The following OTOGL variants were observed in gnomAD, a reference collection of about 807,000 sequenced individuals.
The protein encoded by OTOGL is otogelin-like protein.
A neutral mutation model predicts 318.5 loss-of-function variants in OTOGL; 285 were observed. The observed-to-expected ratio is 0.89, with a 90% CI of 0.81 to 0.99. OTOGL has a LOEUF of 0.99. Among genes scored for constraint, OTOGL ranks in the 50% least tolerant of loss-of-function variants. OTOGL has a pLI of 0.00. For synonymous variants in OTOGL, 987 were observed against 936.5 expected (o/e 1.05, Z -0.99); for missense variants, 2,899 against 2,845.6 (o/e 1.02, Z -0.43).
intron 11 of OTOGL, among the ~76,000 whole-genome samples, chr12:80,244,911 T>C (rs1880732618): frequency 6.8e-6 from 1 of 147,696 alleles, no homozygotes; most frequent in Admixed American, 6.6e-5. Context: ...ATTTCTCTGA[T>C]GGCCAGTGAT....
rs746612570 is a variant in OTOGL at position 80,329,126 on chromosome 12, T to C, written c.4348+7T>C. On this transcript the variant is annotated splice_region_variant and intron_variant, in intron 37 of 58. Coordinates refer to ENST00000547103, the MANE Select transcript of OTOGL (RefSeq NM_001378609.3). ...ACTGTGCCCATGTTTACAGGTATTGTTATAATTTTAGACAACAAAAGTAGC... is the reference window on the plus strand; with the variant it reads ...ACTGTGCCCATGTTTACAGGTATTGCTATAATTTTAGACAACAAAAGTAGC... The C allele has an allele frequency of 6.6e-7, 1 of 1,507,404 alleles. No individual in the cohort carries two copies. The highest frequency in any genetic ancestry group is 1.4e-5 in the South Asian group (1 of 72,906). 93.4% of individuals were successfully genotyped at this position (1,507,404 alleles called of 1,614,324 possible). A position where few individuals can be genotyped will look rare whatever the true frequency, so the allele number is the denominator to read the frequency against.
intron 6 of OTOGL, among the ~76,000 whole-genome samples, chr12:80,220,819 GA>G (rs1270967594): frequency 2.0e-5 from 3 of 152,014 alleles, no homozygotes; most frequent in Non-Finnish European, 2.9e-5. Flanking sequence ...ATACACAACA[GA>G]TACACAATAA....
chr12:80,211,955 G>A lies in OTOGL; in HGVS notation c.126G>A (p.Gly42=), dbSNP rs375517066. ...SSILMGTSKN[G]FNENRQKRAL... ...TCTTTTTGTTTTCTTCCAGAAACGGGTTTAATGAAAATCGACAGAAAAGAG... is the reference window on the plus strand; with the variant it reads ...TCTTTTTGTTTTCTTCCAGAAACGGATTTAATGAAAATCGACAGAAAAGAG... Residue 42 remains glycine, a synonymous_variant, in exon 4 of 59, where the codon GGG becomes GGA. Coordinates refer to ENST00000547103, the MANE Select transcript of OTOGL (RefSeq NM_001378609.3). 1.5e-4 allele frequency: 230 copies of A among 1,571,058 alleles called. 2 individuals carry two copies. The highest frequency in any genetic ancestry group is 4.4e-4 in the South Asian group (38 of 86,626).
intron 43 of OTOGL, 81 bp downstream of exon 43, chr12:80,339,345 G>A: frequency 9.1e-7 from 1 of 1,102,746 alleles, no homozygotes; most frequent in Non-Finnish European, 1.2e-6. Flanking sequence ...ATGCCATTTT[G>A]GACCCTGTTG....
chr12:80,183,403 T>C (rs1402612651), intron 1 of OTOGL, among the ~76,000 whole-genome samples: 1 of 152,240 alleles, frequency 6.6e-6, no homozygotes, highest in African/African-American at 2.4e-5. Context: ...TTTGTTTCTT[T>C]TGGTCTTGAG....
chr12:80,232,317 G>A (rs774984341), intron 8 of OTOGL, among the ~76,000 whole-genome samples: 13 of 151,966 alleles, frequency 8.6e-5, no homozygotes, highest in African/African-American at 1.9e-4. Context: ...GTTATAATAC[G>A]TCATCCTTTG....
chr12:80,172,483 A>T (rs1289998496), intron 1 of OTOGL, among the ~76,000 whole-genome samples: 2 of 152,104 alleles, frequency 1.3e-5, no homozygotes, highest in Non-Finnish European at 2.9e-5. Context: ...TGGTCTTCTC[A>T]TAGGTTGGTT....
chr12:80,243,190 C>A (rs1472890000), intron 11 of OTOGL, among the ~76,000 whole-genome samples: 3 of 151,976 alleles, frequency 2.0e-5, no homozygotes, highest in Admixed American at 6.6e-5. Context: ...GAGAATGACA[C>A]CTTAACCTAC....
chr12:80,315,582 A>T (rs1886919363), intron 32 of OTOGL, among the ~76,000 whole-genome samples: 4 of 152,178 alleles, frequency 2.6e-5, no homozygotes, highest in Admixed American at 2.6e-4. Flanking sequence ...TGAACTCTGG[A>T]TCCATGATGG....
chr12:80,185,584 C>A (rs761974718), intron 1 of OTOGL, among the ~76,000 whole-genome samples: 1 of 152,132 alleles, frequency 6.6e-6, no homozygotes, highest in African/African-American at 2.4e-5. Context: ...CCACTGCACC[C>A]GGCCAAATTA....
chr12:80,367,837 T>C (rs921321245), intron 54 of OTOGL, 98 bp downstream of exon 54: 114 of 772,282 alleles, frequency 1.5e-4, no homozygotes, highest in Non-Finnish European at 2.0e-4. Context: ...TAGTTTAAAA[T>C]ATATATTATA....
At chr12:80,240,502 G>A (rs564578001) in intron 11 of OTOGL, among the ~76,000 whole-genome samples, 34 of 152,084 alleles carry the variant, frequency 2.2e-4, no homozygotes, top group East Asian at 5.8e-4. Flanking sequence ...CTTTTAACAC[G>A]CATTTCAAAT....
chr12:80,232,882 G>A lies in OTOGL; in HGVS notation c.612-10G>A. On this transcript the variant is annotated splice_polypyrimidine_tract_variant and intron_variant, in intron 8 of 58. Transcript: ENST00000547103. ...ATCATTCTTAGATAGCTTTTGTTCT[G>A]TTTTTCAAGTTTAACATTGCCTCAG... The A allele has an allele frequency of 1.9e-6, 3 of 1,585,006 alleles. No homozygotes were observed. The highest frequency in any genetic ancestry group is 2.6e-6 in the Non-Finnish European group (3 of 1,167,438).
intron 43 of OTOGL, among the ~76,000 whole-genome samples, chr12:80,340,162 G>A (rs965671390): frequency 6.6e-6 from 1 of 152,088 alleles, no homozygotes; most frequent in Non-Finnish European, 1.5e-5. Flanking sequence ...AAAGTTTATG[G>A]ATCACCTATT....
chr12:80,208,116 G>T (rs916350835), intron 1 of OTOGL: 2 of 466,082 alleles, frequency 4.3e-6, no homozygotes, highest in East Asian at 1.3e-4. Flanking sequence ...TATAATTTTA[G>T]TGAAATTTGG....
At chr12:80,288,617 T>C (rs1007216255) in intron 26 of OTOGL, among the ~76,000 whole-genome samples, 2 of 152,022 alleles carry the variant, frequency 1.3e-5, no homozygotes, top group African/African-American at 4.8e-5. Context: ...TCTCTGATCT[T>C]GTCTTCACAC....
At position 80,142,625 on chromosome 12, in the gene OTOGL, A is replaced by G. The variant is rs149402590; in HGVS notation, c.-20+43020A>G. 1.1e-3 allele frequency among the ~76,000 whole-genome samples: 165 copies of G among 152,166 alleles called. 2 individuals are homozygous for G. In the East Asian group the frequency reaches 0.024, roughly 22 times the overall value. On this transcript the variant is annotated intron_variant, in intron 1 of 58. Coordinates refer to ENST00000547103, the MANE Select transcript of OTOGL (RefSeq NM_001378609.3). ...GGCCAGGAGATAATGTCTGTCCCTC[A>G]CTGCTTGCAGCCTAGGAAAGCCAAC...
Position 80,247,295 on chromosome 12 carries a change from A to G in OTOGL, c.1053-4398A>G, listed in dbSNP as rs1452494151. On this transcript the variant is annotated intron_variant, in intron 11 of 58. Transcript: ENST00000547103. ...GGATCTTTCCTGCTTTCTCTTGTGG[A>G]CATTTAGTGCTATAAATTTCCCTCT... Among the ~76,000 whole-genome samples the G allele has an allele frequency of 1.0e-3, 149 of 147,584 alleles. 2 individuals are homozygous for G. The highest frequency in any genetic ancestry group is 3.7e-3 in the African/African-American group (140 of 37,440).
At chr12:80,102,512 C>T (rs1488463006) in intron 1 of OTOGL, among the ~76,000 whole-genome samples, 4 of 152,166 alleles carry the variant, frequency 2.6e-5, no homozygotes, top group Non-Finnish European at 2.9e-5. Context: ...TTGATTTTAG[C>T]TTTAAGTATT....
Sources: allele counts gnomAD v4.1 joint callset (sites outside exome capture counted in the v4.1 genomes callset), GRCh38; gene constraint gnomAD v4.1.1; transcripts MANE v1.5; gene names NCBI Gene and HGNC (gene_info 2026-07-23, HGNC 2026-07-21).